Variants in NARS2 observed in about 807,000 individuals in gnomAD.
NARS2 encodes asparaginyl-tRNA synthetase.
Under a neutral mutation model 62.9 loss-of-function variants are expected in NARS2, and 60 were observed. The observed-to-expected ratio is 0.95, with a 90% CI of 0.77 to 1.18. NARS2 has a LOEUF of 1.18. Ranked by LOEUF, NARS2 falls within the 50% of genes most tolerant of loss-of-function variation. The probability of loss-of-function intolerance (pLI) is 0.00; values close to 1 mark genes in which losing one functional copy is unlikely to be tolerated. For synonymous variants in NARS2, 196 were observed against 200.0 expected (o/e 0.98, Z 0.17); for missense variants, 619 against 576.4 (o/e 1.07, Z -0.76).
At chr11:78,490,710 G>A (rs1859783146) in intron 7 of NARS2, among the ~76,000 whole-genome samples, 1 of 151,688 alleles carries the variant, frequency 6.6e-6, no homozygotes, top group Non-Finnish European at 1.5e-5. Flanking sequence ...GCAGTGAGCT[G>A]AGACTGCACC....
intron 7 of NARS2, 151 bp from the exon 8 acceptor site, chr11:78,478,834 G>A: frequency 2.2e-6 from 1 of 459,116 alleles, no homozygotes; most frequent in Non-Finnish European, 3.8e-6. Context: ...AATTGGTTCA[G>A]TTTTCCAGGC....
At chr11:78,453,448 C>A (rs1306331888) in intron 11 of NARS2, among the ~76,000 whole-genome samples, 1 of 151,812 alleles carries the variant, frequency 6.6e-6, no homozygotes, top group Non-Finnish European at 1.5e-5. Context: ...AAACTCAGAC[C>A]CTGAATTAAA....
chr11:78,537,945 G>C (rs912049020), intron 5 of NARS2, among the ~76,000 whole-genome samples: 1 of 152,180 alleles, frequency 6.6e-6, no homozygotes, highest in Non-Finnish European at 1.5e-5. Flanking sequence ...GTCGCCTATA[G>C]TCAACTGCAG....
At position 78,574,396 on chromosome 11, in the gene NARS2, C is replaced by G. The variant is rs1043593974; in HGVS notation, c.93G>C (p.Arg31=). 5.0e-6 allele frequency: 8 copies of G among 1,614,086 alleles called. No homozygotes were observed. The Admixed American group carries it at 6.7e-5, about 13-fold the overall frequency. ...TCGCGTTCTGAGCCCCGAGAGCGTC[C>G]CGCACGCTCAGTTTGGCTGAAGGTT... ...KHKPSAKLSV[R]DALGAQNASG... Residue 31 remains arginine (R), a synonymous_variant, in exon 1 of 14, where the codon CGG becomes CGC. Transcript: ENST00000281038.
intron 2 of NARS2, among the ~76,000 whole-genome samples, chr11:78,570,244 T>TA (rs1856877656): frequency 6.6e-6 from 1 of 152,218 alleles, no homozygotes; most frequent in East Asian, 1.9e-4. Context: ...TCTGCCCAGT[T>TA]AACCACATAG....
intron 10 of NARS2, 62 bp from the exon 11 acceptor site, chr11:78,466,075 G>C (rs2135214029): frequency 6.7e-7 from 1 of 1,496,748 alleles, no homozygotes; most frequent in Non-Finnish European, 9.0e-7. Context: ...CAATTAAGCA[G>C]CTGAAAATAA....
chr11:78,508,087 T>C (rs1168238780), intron 6 of NARS2, among the ~76,000 whole-genome samples: 2 of 152,112 alleles, frequency 1.3e-5, no homozygotes, highest in Non-Finnish European at 2.9e-5. Flanking sequence ...CTGAAAAGTA[T>C]AATTGAAATG....
At chr11:78,465,730 G>A in intron 11 of NARS2, 146 bp downstream of exon 11, 1 of 877,934 alleles carries the variant, frequency 1.1e-6, no homozygotes. Flanking sequence ...ATCTTCTTTG[G>A]GAAAAATTTT....
At chr11:78,467,559 AAAT>A (rs921835072) in intron 10 of NARS2, among the ~76,000 whole-genome samples, 3 of 146,736 alleles carry the variant, frequency 2.0e-5, no homozygotes, top group African/African-American at 7.3e-5. Context: ...ATAAATAAAT[AAAT>A]AAATAAATTA....
intron 10 of NARS2, among the ~76,000 whole-genome samples, chr11:78,468,394 C>T (rs1316489739): frequency 2.1e-4 from 29 of 141,264 alleles, no homozygotes; most frequent in Non-Finnish European, 3.5e-4. Flanking sequence ...GATAATATAA[C>T]TTCTTTTGTT....
chr11:78,499,066 G>A (rs1443284399), intron 6 of NARS2, among the ~76,000 whole-genome samples: 1 of 151,470 alleles, frequency 6.6e-6, no homozygotes, highest in Non-Finnish European at 1.5e-5. Context: ...ACAGGCGCCC[G>A]CCACCACGCC....
intron 9 of NARS2, 27 bp from the exon 10 acceptor site, chr11:78,469,340 G>A: frequency 6.3e-7 from 1 of 1,575,438 alleles, no homozygotes; most frequent in South Asian, 1.1e-5. Flanking sequence ...TACAAGCAGA[G>A]AAAAGTCAAT....
intron 6 of NARS2, among the ~76,000 whole-genome samples, chr11:78,498,374 G>A (rs569549178): frequency 6.6e-4 from 101 of 152,102 alleles, no homozygotes; most frequent in African/African-American, 2.3e-3. Flanking sequence ...TTTACATGCC[G>A]CTTTAGCTGT....
At chr11:78,521,622 C>G (rs1183106425) in intron 6 of NARS2, among the ~76,000 whole-genome samples, 1 of 152,048 alleles carries the variant, frequency 6.6e-6, no homozygotes, top group Non-Finnish European at 1.5e-5. Context: ...AACCTCGCCT[C>G]TACTAAACAT....
At chr11:78,560,823 T>C (rs762293536) in intron 4 of NARS2, among the ~76,000 whole-genome samples, 37 of 152,120 alleles carry the variant, frequency 2.4e-4, no homozygotes, top group Non-Finnish European at 2.1e-4. Flanking sequence ...AGAAAACCAA[T>C]AAAATCTGAT....
At chr11:78,538,887 C>T (rs946451582) in intron 5 of NARS2, among the ~76,000 whole-genome samples, 2 of 146,360 alleles carry the variant, frequency 1.4e-5, no homozygotes, top group Non-Finnish European at 1.5e-5. Context: ...CCCAGCTACT[C>T]GGGAGGCTGA....
intron 5 of NARS2, among the ~76,000 whole-genome samples, chr11:78,542,655 G>A (rs1224297314): frequency 6.6e-6 from 1 of 152,190 alleles, no homozygotes; most frequent in Admixed American, 6.5e-5. Flanking sequence ...ATAAATCCCA[G>A]CACTTCGGTG....
intron 10 of NARS2, among the ~76,000 whole-genome samples, chr11:78,467,623 AAG>A (rs1373387802): frequency 6.6e-6 from 1 of 152,078 alleles, no homozygotes; most frequent in East Asian, 1.9e-4. Flanking sequence ...CCTTCACAGA[AAG>A]AGAGAGTTGT....
At chr11:78,531,406 A>T (rs1861474170) in intron 5 of NARS2, among the ~76,000 whole-genome samples, 1 of 152,208 alleles carries the variant, frequency 6.6e-6, no homozygotes, top group Admixed American at 6.5e-5. Flanking sequence ...CGAAACTAGA[A>T]ATGTACAATA....
Sources: gnomAD v4.1 joint callset for allele counts (sites outside exome capture counted in the v4.1 genomes callset) on GRCh38, gnomAD v4.1.1 for gene constraint, MANE v1.5 for transcripts, NCBI Gene and HGNC (gene_info 2026-07-23, HGNC 2026-07-21) for gene names.